Variants in CRACDL observed in about 807,000 individuals in gnomAD.
The protein encoded by CRACDL is CRACD like.
CRACDL carries 26 observed loss-of-function variants against 70.6 expected under a neutral mutation model. That is an observed-to-expected ratio of 0.37 (90% CI 0.27 to 0.51). The LOEUF is 0.51. Ranked by LOEUF, CRACDL falls within the 20% of genes least tolerant of loss-of-function variation. The probability of loss-of-function intolerance (pLI) is 0.94; values close to 1 mark genes in which losing one functional copy is unlikely to be tolerated. For missense variants in CRACDL, 1,283 were observed against 1,376.9 expected, an observed-to-expected ratio of 0.93 and a Z score of 1.08; for synonymous variants, 618 against 615.2, an observed-to-expected ratio of 1.00 and a Z score of -0.07.
chr2:98,872,970 TAGA>T (rs1305342346), intron 1 of CRACDL, among the ~76,000 whole-genome samples: 1 of 152,230 alleles, frequency 6.6e-6, no homozygotes, highest in Non-Finnish European at 1.5e-5. Context: ...TGTTCATAAT[TAGA>T]AGAAGCTCCA....
intron 1 of CRACDL, among the ~76,000 whole-genome samples, chr2:98,882,382 C>CA (rs1468571643): frequency 6.6e-6 from 1 of 152,248 alleles, no homozygotes; most frequent in Admixed American, 6.5e-5. Context: ...TATCCCCTGG[C>CA]AAGAGTGGCT....
intron 1 of CRACDL, among the ~76,000 whole-genome samples, chr2:98,886,597 A>G (rs1161301158): frequency 6.6e-6 from 1 of 152,254 alleles, no homozygotes; most frequent in Non-Finnish European, 1.5e-5. Context: ...ACATGCACAC[A>G]GAGATTTCAG....
At chr2:98,883,102 C>A (rs1707701492) in intron 1 of CRACDL, among the ~76,000 whole-genome samples, 1 of 152,172 alleles carries the variant, frequency 6.6e-6, no homozygotes, top group Non-Finnish European at 1.5e-5. Context: ...TAGGCAGACC[C>A]AGGTAGTGGC....
intron 1 of CRACDL, among the ~76,000 whole-genome samples, chr2:98,900,686 G>A (rs774933495): frequency 2.0e-4 from 31 of 152,198 alleles, no homozygotes; most frequent in African/African-American, 6.7e-4. Flanking sequence ...GTAAAGTACT[G>A]TTTGTCAGCT....
At position 98,827,100 on chromosome 2, in the gene CRACDL, C is replaced by T. The variant is rs951791497; in HGVS notation, c.610G>A (p.Ala204Thr). The change falls in exon 6 of 10, where the codon GCA becomes ACA. Residue 204 changes from alanine (A) to threonine (T), a missense_variant. This residue lies in a region of CRACDL where 362 missense variants were observed against 495.0 expected (regional missense o/e 0.73). Transcript: ENST00000397899. ...VSARISDNSL[A>T]PVADFSYPAE... ...GGATAACTGAAGTCAGCCACTGGTG[C>T]CAGGCTGTTGTCTGAGATCCGGGCA... 1 of 1,614,120 alleles carries T rather than the reference C, an allele frequency of 6.2e-7. No homozygotes were observed. Among genetic ancestry groups the T allele is most frequent in the Non-Finnish European group, 8.5e-7 (1 of 1,179,994 alleles).
At chr2:98,809,691 A>G (rs964331366) in intron 7 of CRACDL, 11 of 152,158 alleles carry the variant, frequency 7.2e-5, no homozygotes, top group African/African-American at 2.7e-4. Context: ...TCCTGCAAAC[A>G]TGCTCTCTGG....
chr2:98,847,274 A>G (rs1706302174), intron 1 of CRACDL, among the ~76,000 whole-genome samples: 1 of 152,230 alleles, frequency 6.6e-6, no homozygotes, highest in Admixed American at 6.5e-5. Context: ...ATATCATATT[A>G]GGAAGCTTGA....
chr2:98,874,121 CT>C (rs1240843737), intron 1 of CRACDL, among the ~76,000 whole-genome samples: 1 of 152,248 alleles, frequency 6.6e-6, no homozygotes, highest in African/African-American at 2.4e-5. Flanking sequence ...ACTTAAATTA[CT>C]TAGATCTATT....
Position 98,822,983 on chromosome 2 carries a change from C to G in CRACDL, c.1290G>C (p.Gly430=), listed in dbSNP as rs1352689978. ...ATSEAPSARD[G]PERSVPKEAE... ...CTTCCTTCGGGACACTGCGTTCTGG[C>G]CCGTCGCGAGCAGAGGGCGCCTCTG... is the stretch of plus-strand genomic sequence containing the variant. Residue 430 remains glycine, a synonymous_variant, in exon 7 of 10, where the codon GGG becomes GGC. Coordinates refer to ENST00000397899, the MANE Select transcript of CRACDL (RefSeq NM_207362.3). This position sits in a 1 kb window ranked among gnomAD's most constrained non-coding sequence, Gnocchi z 4.9. 6.7e-7 allele frequency: 1 copy of G among 1,490,142 alleles called. No homozygotes were observed. Among genetic ancestry groups the G allele is most frequent in the Admixed American group, 2.3e-5 (1 of 44,180 alleles). 92.3% of individuals were successfully genotyped at this position (1,490,142 alleles called of 1,614,324 possible). A position where few individuals can be genotyped will look rare whatever the true frequency, so the allele number is the denominator to read the frequency against.
intron 1 of CRACDL, among the ~76,000 whole-genome samples, chr2:98,914,558 C>T (rs1210347725): frequency 1.3e-5 from 2 of 152,216 alleles, no homozygotes; most frequent in African/African-American, 4.8e-5. Context: ...AGTTTCCATC[C>T]TCTTCAAGGG....
chr2:98,857,576 A>T (rs1573085485), intron 1 of CRACDL, among the ~76,000 whole-genome samples: 2 of 152,312 alleles, frequency 1.3e-5, no homozygotes, highest in South Asian at 4.1e-4. Context: ...ATTAAAAATC[A>T]ATAAGAAATT....
chr2:98,873,630 C>A (rs1707407817), intron 1 of CRACDL, among the ~76,000 whole-genome samples: 1 of 152,256 alleles, frequency 6.6e-6, no homozygotes. Flanking sequence ...CTAAGAGGAA[C>A]CCTCACCCAC....
At chr2:98,863,887 T>C (rs1341447844) in intron 1 of CRACDL, among the ~76,000 whole-genome samples, 2 of 152,118 alleles carry the variant, frequency 1.3e-5, no homozygotes, top group Non-Finnish European at 2.9e-5. Context: ...AGTAAAATGG[T>C]GACTGCCAGG....
Position 98,827,104 on chromosome 2 carries a change from G to C in CRACDL, c.606C>G (p.Ser202Arg), listed in dbSNP as rs767545318. 11 of 1,614,160 alleles carry C rather than the reference G, an allele frequency of 6.8e-6. No homozygotes were observed. In the South Asian group the frequency reaches 9.9e-5, roughly 14 times the overall value. ...STVSARISDNSLAPVADFSYP... is the reference protein window; with the variant it reads ...STVSARISDNRLAPVADFSYP... Reference sequence around the variant, plus strand: ...AACTGAAGTCAGCCACTGGTGCCAGGCTGTTGTCTGAGATCCGGGCAGAGA... The same window carrying C: ...AACTGAAGTCAGCCACTGGTGCCAGCCTGTTGTCTGAGATCCGGGCAGAGA... The change falls in exon 6 of 10, where the codon AGC becomes AGG. Residue 202 changes from serine (S) to arginine (R), a missense_variant. This residue lies in a region of CRACDL where 362 missense variants were observed against 495.0 expected (regional missense o/e 0.73). Transcript: ENST00000397899.
intron 1 of CRACDL, among the ~76,000 whole-genome samples, chr2:98,934,243 G>C (rs1011294267): frequency 6.7e-6 from 1 of 148,426 alleles, no homozygotes; most frequent in South Asian, 2.1e-4. Flanking sequence ...CTGCTGCCCA[G>C]GCTGGAGTGC....
At chr2:98,932,456 A>G (rs950079647) in intron 1 of CRACDL, among the ~76,000 whole-genome samples, 4 of 152,224 alleles carry the variant, frequency 2.6e-5, no homozygotes, top group African/African-American at 9.6e-5. Context: ...CACCAGAAGC[A>G]GCAATTATGA....
chr2:98,850,490 C>A (rs756770005), intron 1 of CRACDL, among the ~76,000 whole-genome samples: 2 of 152,212 alleles, frequency 1.3e-5, no homozygotes, highest in Non-Finnish European at 2.9e-5. Context: ...CCCAGACCTC[C>A]TTTTGCTCCT....
intron 1 of CRACDL, among the ~76,000 whole-genome samples, chr2:98,857,871 C>T (rs1284417965): frequency 2.0e-5 from 3 of 152,078 alleles, no homozygotes; most frequent in African/African-American, 4.8e-5. Flanking sequence ...ATATGCATAT[C>T]TATCTTATCT....
chr2:98,911,231 C>T (rs1461505715), intron 1 of CRACDL, among the ~76,000 whole-genome samples: 2 of 152,158 alleles, frequency 1.3e-5, no homozygotes, highest in East Asian at 1.9e-4. Context: ...TCATAGTGGA[C>T]GGGGGCTCAA....
Sources: allele counts gnomAD v4.1 joint callset (sites outside exome capture counted in the v4.1 genomes callset), GRCh38; gene constraint gnomAD v4.1.1; regional missense constraint gnomAD v4.1.1; non-coding constraint Gnocchi (gnomAD v3.1); transcripts MANE v1.5; gene names NCBI Gene and HGNC (gene_info 2026-07-23, HGNC 2026-07-21).